Variants in PPARGC1B observed in about 807,000 individuals in gnomAD.
PPARGC1B encodes PPARG coactivator 1 beta, also known as peroxisome proliferator-activated receptor gamma coactivator 1-beta.
PPARGC1B carries 34 observed loss-of-function variants against 101.6 expected under a neutral mutation model. That is an observed-to-expected ratio of 0.33 (90% CI 0.25 to 0.45). PPARGC1B has a LOEUF of 0.45. Ranked by LOEUF, PPARGC1B falls within the 20% of genes least tolerant of loss-of-function variation. The pLI, the probability that PPARGC1B is intolerant of heterozygous loss-of-function variation, is 1.00. For synonymous variants in PPARGC1B, 548 were observed against 539.3 expected, an observed-to-expected ratio of 1.02 and a Z score of -0.22; for missense variants, 1,234 against 1,317.6, an observed-to-expected ratio of 0.94 and a Z score of 0.98.
Position 149,832,963 on chromosome 5 carries a change from A to G in PPARGC1B, c.890A>G (p.Tyr297Cys). Residue 297 changes from tyrosine to cysteine, a missense_variant, in exon 5 of 12, where the codon TAC becomes TGC. Tyr to Cys is a radical substitution (Grantham distance 194, BLOSUM62 -2). Around this residue, in one of 3 missense-constraint regions of PPARGC1B, gnomAD observed 734 missense variants for 768.4 expected, o/e 0.96. Transcript: ENST00000309241. The surrounding 1 kb of genome is among the most constrained non-coding windows in gnomAD (Gnocchi z 4.9). ...MVQLIRYMHT[Y>C]CLPQRKLPPQ... ...CAACTCATACGCTACATGCACACCT[A>G]CTGCCTCCCCCAGAGGAAGCTGCCC... 6.2e-7 allele frequency: 1 copy of G among 1,613,226 alleles called. No homozygotes were observed.
chr5:149,747,487 C>T (rs1755132756), intron 1 of PPARGC1B, among the ~76,000 whole-genome samples: 1 of 152,238 alleles, frequency 6.6e-6, no homozygotes, highest in Admixed American at 6.5e-5. Context: ...AGCTCCTTTG[C>T]TGACCAAGCC....
intron 5 of PPARGC1B, 30 bp from the exon 6 acceptor site, chr5:149,834,644 G>T (rs765363427): frequency 6.2e-7 from 1 of 1,607,482 alleles, no homozygotes; most frequent in Non-Finnish European, 8.5e-7. Flanking sequence ...CCATATTGGG[G>T]AATCTTATTT....
chr5:149,770,056 C>A (rs1035614413), intron 1 of PPARGC1B, among the ~76,000 whole-genome samples: 3 of 152,264 alleles, frequency 2.0e-5, no homozygotes, highest in Non-Finnish European at 4.4e-5. Flanking sequence ...GTGCACTCAT[C>A]ATCTCCAGAG....
In PPARGC1B at chr5:149,832,796, G is replaced by T. The variant is rs1320016804; in HGVS notation, c.723G>T (p.Arg241=). ...GLQPPCLQSP[R]LPAKEDKEPG... ...AGCCACCATGCCTCCAGAGTCCCCGGCTCCCTGCCAAGGAGGACAAGGAGC... is the reference window on the plus strand; with the variant it reads ...AGCCACCATGCCTCCAGAGTCCCCGTCTCCCTGCCAAGGAGGACAAGGAGC... Residue 241 remains arginine (R), a synonymous_variant, in exon 5 of 12, where the codon CGG becomes CGT. Transcript: ENST00000309241. This position sits in a 1 kb window ranked among gnomAD's most constrained non-coding sequence, Gnocchi z 4.9. The T allele has an allele frequency of 1.9e-6, 3 of 1,612,940 alleles. No homozygotes were observed. Among genetic ancestry groups the T allele is most frequent in the Non-Finnish European group, 2.5e-6 (3 of 1,179,506 alleles).
At chr5:149,799,951 G>A (rs752935039) in intron 1 of PPARGC1B, among the ~76,000 whole-genome samples, 2 of 151,978 alleles carry the variant, frequency 1.3e-5, no homozygotes, top group Non-Finnish European at 2.9e-5. Context: ...CACCCATCTC[G>A]GCCTCCCAAA....
rs1754406583 is a variant in PPARGC1B, at chr5:149,730,413, A to C, written c.71A>C (p.Asp24Ala). Residue 24 changes from aspartate (D) to alanine (A), a missense_variant, in exon 1 of 12, where the codon GAC becomes GCC. By Grantham distance (126) the Asp-to-Ala change is moderately radical (BLOSUM62 -2). Transcript: ENST00000309241. This position sits in a 1 kb window ranked among gnomAD's most constrained non-coding sequence, Gnocchi z 4.0. ...LSSFFLNYLA[D>A]TQGGGSGEEQ... ...TCCTTCTTCCTCAACTATCTCGCTG[A>C]CACGCAGGTACGGCCGGCTGGGGCT... is the stretch of plus-strand genomic sequence containing the variant. 3 of 1,557,942 alleles carry C rather than the reference A, an allele frequency of 1.9e-6. No homozygotes were observed. The East Asian group carries it at 7.5e-5, about 39-fold the overall frequency.
At chr5:149,747,806 G>C (rs1008956018) in intron 1 of PPARGC1B, among the ~76,000 whole-genome samples, 2 of 152,180 alleles carry the variant, frequency 1.3e-5, no homozygotes, top group East Asian at 3.9e-4. Flanking sequence ...CTGGTGGGGT[G>C]GGGGTGGACC....
chr5:149,842,700 G>A (rs1176263318), intron 10 of PPARGC1B, among the ~76,000 whole-genome samples: 1 of 152,232 alleles, frequency 6.6e-6, no homozygotes, highest in African/African-American at 2.4e-5. Context: ...AGTTAGCTGG[G>A]CAGCTAGTTG....
At chr5:149,761,383 A>G (rs1287207836) in intron 1 of PPARGC1B, 2 of 151,836 alleles carry the variant, frequency 1.3e-5, no homozygotes, top group Non-Finnish European at 2.9e-5. Flanking sequence ...TGCATGACTG[A>G]AACTTTGTAC....
intron 1 of PPARGC1B, among the ~76,000 whole-genome samples, chr5:149,734,583 A>G (rs902057708): frequency 9.2e-5 from 14 of 152,134 alleles, no homozygotes; most frequent in African/African-American, 2.4e-4. Context: ...ATTGTAAGCA[A>G]TGCTAAAACG....
rs1346893363 is a variant in PPARGC1B at position 149,826,856 on chromosome 5, C to G, written c.436C>G (p.Pro146Ala). 1.2e-6 allele frequency: 2 copies of G among 1,613,252 alleles called. No homozygotes were observed. Among genetic ancestry groups the G allele is most frequent in the Non-Finnish European group, 1.7e-6 (2 of 1,179,428 alleles). The change falls in exon 3 of 12, where the codon CCA (proline) becomes GCA (alanine). Residue 146 changes from proline to alanine, a missense_variant. This residue lies in a region of PPARGC1B where 734 missense variants were observed against 768.4 expected (regional missense o/e 0.96). Coordinates refer to ENST00000309241, the MANE Select transcript of PPARGC1B (RefSeq NM_133263.4). ...CCCTGCCCCGGAGAAGCCCTCGGCC[C>G]CAGCCCCTGAGGTGGACGAGCTCTC... ...PSPAPEKPSA[P>A]APEVDELSLL...
intron 1 of PPARGC1B, among the ~76,000 whole-genome samples, chr5:149,791,228 G>A (rs1335770575): frequency 2.0e-5 from 3 of 150,264 alleles, no homozygotes; most frequent in Non-Finnish European, 4.4e-5. Flanking sequence ...GGGGGCAGAG[G>A]TTACAGTGAG....
At chr5:149,740,068 G>A (rs1221016215) in intron 1 of PPARGC1B, 3 of 152,246 alleles carry the variant, frequency 2.0e-5, no homozygotes, top group Non-Finnish European at 2.9e-5. Context: ...ACAAATGGTG[G>A]GATAAAGCCA....
rs1297392689 is a variant in PPARGC1B, at chr5:149,832,209, TG to T, written c.583-446del. Reference sequence around the variant, plus strand: ...CTGTAATCCCAACTACTCGGGAGGCTGAGGCAGGAGAATCGCTTGAACCTGG... The same window carrying T: ...CTGTAATCCCAACTACTCGGGAGGCTAGGCAGGAGAATCGCTTGAACCTGG... On this transcript the variant is annotated intron_variant, in intron 4 of 11. Transcript: ENST00000309241. The surrounding 1 kb of genome is among the most constrained non-coding windows in gnomAD (Gnocchi z 4.9). 6.6e-6 allele frequency among the ~76,000 whole-genome samples: 1 copy of T among 152,162 alleles called. No individual in the cohort carries two copies. Among genetic ancestry groups the T allele is most frequent in the South Asian group, 2.1e-4 (1 of 4,826 alleles).
At chr5:149,834,736 ATT>A in intron 6 of PPARGC1B, 26 bp downstream of exon 6, 1 of 1,602,530 alleles carries the variant, frequency 6.2e-7, no homozygotes, top group Non-Finnish European at 8.6e-7. Context: ...TTATTGGTGT[ATT>A]GTTCCATGAG....
chr5:149,758,848 A>G (rs186597553), intron 1 of PPARGC1B, among the ~76,000 whole-genome samples: 6 of 152,394 alleles, frequency 3.9e-5, no homozygotes, highest in Admixed American at 1.3e-4. Flanking sequence ...AGAAGATATA[A>G]TTAAAGACTT....
At chr5:149,772,132 G>A in intron 1 of PPARGC1B, 1 of 1,602,804 alleles carries the variant, frequency 6.2e-7, no homozygotes, top group Non-Finnish European at 8.5e-7. Flanking sequence ...GCCGCCACCA[G>A]AGCAATGGTA....
At chr5:149,845,069 G>A (rs1389891778) in intron 10 of PPARGC1B, among the ~76,000 whole-genome samples, 2 of 152,178 alleles carry the variant, frequency 1.3e-5, no homozygotes, top group African/African-American at 4.8e-5. Flanking sequence ...ATGGTGTCCA[G>A]GAAGGGCCAT....
chr5:149,779,127 C>T (rs1161739907), intron 1 of PPARGC1B, among the ~76,000 whole-genome samples: 1 of 152,158 alleles, frequency 6.6e-6, no homozygotes, highest in Non-Finnish European at 1.5e-5. Context: ...CTGACCCCAG[C>T]CAGACTCTGA....
Sources: gnomAD v4.1 joint callset for allele counts (sites outside exome capture counted in the v4.1 genomes callset) on GRCh38, gnomAD v4.1.1 for gene constraint, gnomAD v4.1.1 regional missense constraint, Gnocchi (gnomAD v3.1) non-coding constraint, MANE v1.5 for transcripts, NCBI Gene and HGNC (gene_info 2026-07-23, HGNC 2026-07-21) for gene names.